Variants in KIAA1217 observed in about 807,000 individuals in gnomAD.
KIAA1217 encodes the protein sickle tail protein homolog.
A neutral mutation model predicts 163.9 loss-of-function variants in KIAA1217; 88 were observed. That is an observed-to-expected ratio of 0.54 (90% confidence interval 0.45 to 0.64). KIAA1217 has a LOEUF of 0.64. KIAA1217 is among the 30% of genes least tolerant of loss of function. KIAA1217 has a pLI of 0.00. For synonymous variants in KIAA1217, 903 were observed against 923.1 expected (o/e 0.98, Z 0.39); for missense variants, 2,372 against 2,475.0 (o/e 0.96, Z 0.88).
In KIAA1217 at chr10:24,297,543, G is replaced by T. The variant is rs1468273069; in HGVS notation, c.354+77634G>T. On this transcript the variant is annotated intron_variant, in intron 2 of 20. Coordinates refer to ENST00000376454, the MANE Select transcript of KIAA1217 (RefSeq NM_019590.5). ...AGGCAGGCGGATCACCTGAGGTCAG[G>T]TCAGGAGTTCAAGATCATACTGGCC... Among the ~76,000 whole-genome samples, 5 of 152,136 alleles carry T rather than the reference G, an allele frequency of 3.3e-5. No individual in the cohort carries two copies. The South Asian group carries it at 8.3e-4, about 25-fold the overall frequency.
intron 1 of KIAA1217, among the ~76,000 whole-genome samples, chr10:23,830,645 A>G (rs1838138720): frequency 6.6e-6 from 1 of 151,920 alleles, no homozygotes; most frequent in African/African-American, 2.4e-5. Flanking sequence ...ATGATAGACG[A>G]TTGATAGAAA....
At chr10:24,507,995 A>G (rs1004468913) in intron 9 of KIAA1217, among the ~76,000 whole-genome samples, 1 of 152,230 alleles carries the variant, frequency 6.6e-6, no homozygotes, top group African/African-American at 2.4e-5. Context: ...AGTCTTTCAG[A>G]AAACAGAGAA....
At chr10:24,211,236 G>A (rs2130651055) in intron 1 of KIAA1217, among the ~76,000 whole-genome samples, 1 of 152,202 alleles carries the variant, frequency 6.6e-6, no homozygotes, top group Non-Finnish European at 1.5e-5. Context: ...GAACATGGGA[G>A]AAGGATGGGA....
At position 24,219,782 on chromosome 10, in the gene KIAA1217, A is replaced by G. The variant is rs1208165509; in HGVS notation, c.227A>G (p.Lys76Arg). 3 of 1,613,934 alleles carry G rather than the reference A, an allele frequency of 1.9e-6. No individual in the cohort carries two copies. The South Asian group carries it at 3.3e-5, about 18-fold the overall frequency. Residue 76 changes from lysine (K) to arginine (R), a missense_variant, in exon 2 of 21, where the codon AAG becomes AGG. Lys to Arg is a conservative substitution (Grantham distance 26, BLOSUM62 2). Coordinates refer to ENST00000376454, the MANE Select transcript of KIAA1217 (RefSeq NM_019590.5). ...RHTLGGPRSS[K>R]EILGMQTSEM... ...ACCCTAGGGGGGCCCCGAAGTTCCA[A>G]GGAAATACTGGGAATGCAAACATCT...
At chr10:24,129,030 T>C (rs1190059881) in intron 2 of KIAA1217, among the ~76,000 whole-genome samples, 2 of 152,198 alleles carry the variant, frequency 1.3e-5, no homozygotes, top group Non-Finnish European at 2.9e-5. Flanking sequence ...CCTCTTTGTA[T>C]AGGGTAGTAA....
intron 2 of KIAA1217, among the ~76,000 whole-genome samples, chr10:24,173,105 C>T (rs982446436): frequency 2.6e-5 from 4 of 152,154 alleles, no homozygotes; most frequent in South Asian, 2.1e-4. Flanking sequence ...CCCTATCACT[C>T]GCATTACCTC....
intron 2 of KIAA1217, among the ~76,000 whole-genome samples, chr10:24,221,665 C>T (rs2069672729): frequency 6.6e-6 from 1 of 152,134 alleles, no homozygotes; most frequent in African/African-American, 2.4e-5. Flanking sequence ...TTCCAACAGT[C>T]AGTAAACCCA....
At chr10:24,261,170 G>A (rs1445130438) in intron 2 of KIAA1217, among the ~76,000 whole-genome samples, 2 of 151,534 alleles carry the variant, frequency 1.3e-5, no homozygotes, top group African/African-American at 4.9e-5. Flanking sequence ...CTGGTTGTGT[G>A]GAATTTGGCC....
chr10:23,947,749 T>C (rs1388327777), intron 1 of KIAA1217, among the ~76,000 whole-genome samples: 1 of 152,166 alleles, frequency 6.6e-6, no homozygotes, highest in Non-Finnish European at 1.5e-5. Flanking sequence ...TGGATAAAAA[T>C]GTTGCCTGCC....
At chr10:24,032,863 A>T (rs1236120597) in intron 2 of KIAA1217, among the ~76,000 whole-genome samples, 2 of 152,214 alleles carry the variant, frequency 1.3e-5, no homozygotes, top group Non-Finnish European at 2.9e-5. Flanking sequence ...TCTCAAATAT[A>T]AAATTTTAAC....
chr10:24,438,977 C>G (rs1004780023), intron 5 of KIAA1217, among the ~76,000 whole-genome samples: 10 of 152,170 alleles, frequency 6.6e-5, no homozygotes, highest in Admixed American at 3.9e-4. Context: ...TGTTGTTGTA[C>G]TGTCTTAAAT....
intron 1 of KIAA1217, among the ~76,000 whole-genome samples, chr10:23,969,125 C>G (rs148917012): frequency 0.02 from 2,985 of 152,258 alleles, 64 homozygotes; most frequent in Admixed American, 0.064. Context: ...ACCTCTGCCT[C>G]CCAGGTTCAA....
At chr10:24,244,552 T>C (rs777237491) in intron 2 of KIAA1217, among the ~76,000 whole-genome samples, 8 of 143,520 alleles carry the variant, frequency 5.6e-5, no homozygotes, top group Non-Finnish European at 1.2e-4. Flanking sequence ...TTCCCTCTTT[T>C]CTTTCTTTCT....
chr10:24,328,793 G>C (rs1388060505), intron 2 of KIAA1217, among the ~76,000 whole-genome samples: 1 of 151,694 alleles, frequency 6.6e-6, no homozygotes, highest in Non-Finnish European at 1.5e-5. Context: ...GCACTGAGCT[G>C]AACACCATAC....
At chr10:24,326,664 T>G (rs769051346) in intron 2 of KIAA1217, among the ~76,000 whole-genome samples, 7 of 152,346 alleles carry the variant, frequency 4.6e-5, no homozygotes, top group African/African-American at 9.6e-5. Context: ...TGGATTTTTC[T>G]GTTATTATTT....
intron 1 of KIAA1217, among the ~76,000 whole-genome samples, chr10:23,918,733 T>C (rs59628063): frequency 0.018 from 2,611 of 147,558 alleles, 35 homozygotes; most frequent in East Asian, 0.055. Context: ...ATTAAATATA[T>C]ACACACACAC....
intron 2 of KIAA1217, among the ~76,000 whole-genome samples, chr10:24,054,810 T>C (rs1041133956): frequency 6.6e-6 from 1 of 152,146 alleles, no homozygotes; most frequent in African/African-American, 2.4e-5. Context: ...CTGTACTGAA[T>C]ACTATGGACA....
intron 1 of KIAA1217, among the ~76,000 whole-genome samples, chr10:23,951,905 G>C (rs1025261088): frequency 1.3e-5 from 2 of 152,052 alleles, no homozygotes; most frequent in Admixed American, 6.6e-5. Flanking sequence ...TTTTCTATGT[G>C]GTATAGGCTG....
At chr10:24,219,300 T>C (rs1328500045) in intron 1 of KIAA1217, among the ~76,000 whole-genome samples, 1 of 151,996 alleles carries the variant, frequency 6.6e-6, no homozygotes, top group Non-Finnish European at 1.5e-5. Context: ...TTTGTAGAGA[T>C]AGGGGTCTAC....
Sources: allele counts gnomAD v4.1 joint callset (sites outside exome capture counted in the v4.1 genomes callset), GRCh38; gene constraint gnomAD v4.1.1; transcripts MANE v1.5; gene names NCBI Gene and HGNC (gene_info 2026-07-23, HGNC 2026-07-21).